The following GRB14 variants were observed in gnomAD, a reference collection of about 807,000 sequenced individuals.
GRB14 encodes the protein growth factor receptor-bound protein 14.
GRB14 carries 38 observed loss-of-function variants against 69.1 expected under a neutral mutation model. The observed-to-expected ratio is 0.55, with a 90% CI of 0.42 to 0.72. The LOEUF (loss-of-function observed/expected upper bound fraction) is 0.72, where lower values mean the gene tolerates loss of function less well. Ranked by LOEUF, GRB14 falls within the 30% of genes least tolerant of loss-of-function variation. The pLI, the probability that GRB14 is intolerant of heterozygous loss-of-function variation, is 0.00. For missense variants in GRB14, 666 were observed against 666.1 expected (o/e 1.00, Z 0.00); for synonymous variants, 247 against 241.3 (o/e 1.02, Z -0.22).
At chr2:164,565,274 A>ATACT (rs1428110675) in intron 2 of GRB14, among the ~76,000 whole-genome samples, 1 of 89,290 alleles carries the variant, frequency 1.1e-5, no homozygotes, top group African/African-American at 5.6e-5. Context: ...TTTCTATCAC[A>ATACT]CACTCACACA....
Position 164,492,653 on chromosome 2 carries a change from T to C in GRB14, c.*383A>G, listed in dbSNP as rs1686786833. The stretch of plus-strand genomic sequence containing the variant: ...ACATTAAAAAATAGTATAATTGAAA[T>C]TTAGTGCACAAATAATTATTCCTGA... On this transcript the variant is annotated 3_prime_UTR_variant, in exon 14 of 14. Transcript: ENST00000263915. 6.6e-6 allele frequency among the ~76,000 whole-genome samples: 1 copy of C among 152,084 alleles called. No homozygotes were observed. Among genetic ancestry groups the C allele is most frequent in the Admixed American group, 6.5e-5 (1 of 15,268 alleles).
chr2:164,494,447 T>C lies in GRB14; in HGVS notation c.1460A>G (p.His487Arg), dbSNP rs1686838931. The change falls in exon 13 of 14, where the codon CAC (histidine) becomes CGC (arginine). Residue 487 changes from histidine (H) to arginine (R), a missense_variant. Physicochemically the swap from His to Arg is conservative, Grantham distance 29. Transcript: ENST00000263915. ...ATTACTTACTGGTATAATTTGAAAGTGCTTTATTTTTTGTCCATGACTCAT... is the reference window on the plus strand; with the variant it reads ...ATTACTTACTGGTATAATTTGAAAGCGCTTTATTTTTTGTCCATGACTCAT... ...LSMSHGQKIK[H>R]FQIIPVEDDG... 1.9e-6 allele frequency: 3 copies of C among 1,578,412 alleles called. No individual in the cohort carries two copies. The highest frequency in any genetic ancestry group is 2.6e-6 in the Non-Finnish European group (3 of 1,147,950).
At chr2:164,501,175 G>T (rs1687041683) in intron 9 of GRB14, among the ~76,000 whole-genome samples, 1 of 151,852 alleles carries the variant, frequency 6.6e-6, no homozygotes, top group Admixed American at 6.6e-5. Flanking sequence ...TTATTTTAGG[G>T]CTTAAAAGTA....
chr2:164,509,896 C>T (rs1043427544), intron 6 of GRB14, among the ~76,000 whole-genome samples: 3 of 151,928 alleles, frequency 2.0e-5, no homozygotes, highest in South Asian at 2.1e-4. Context: ...TGTCATTTAC[C>T]GGTGTTATTC....
At chr2:164,616,926 G>A (rs1364383998) in intron 2 of GRB14, among the ~76,000 whole-genome samples, 2 of 152,156 alleles carry the variant, frequency 1.3e-5, no homozygotes, top group Non-Finnish European at 2.9e-5. Context: ...GAAGGTTACA[G>A]ATAAACTGGG....
chr2:164,565,292 A>G (rs72874834), intron 2 of GRB14, among the ~76,000 whole-genome samples: 1 of 151,528 alleles, frequency 6.6e-6, no homozygotes. Context: ...ACACACACAC[A>G]CACACACACA....
chr2:164,497,480 G>A lies in GRB14; in HGVS notation c.1115C>T (p.Ser372Leu). Residue 372 changes from serine (S) to leucine (L), a missense_variant, in exon 10 of 14, where the codon TCA becomes TTA. Coordinates refer to ENST00000263915, the MANE Select transcript of GRB14 (RefSeq NM_004490.3). Reference protein sequence around the residue: ...SQSISPMRSISENSLVAMDFS... With the variant: ...SQSISPMRSILENSLVAMDFS... ...GTCCATTGCTACCAGGGAATTCTCT[G>A]ATATACTTCTCTGGAAAAAAGAAAC... The A allele has an allele frequency of 6.3e-7, 1 of 1,585,910 alleles. No individual in the cohort carries two copies. Among genetic ancestry groups the A allele is most frequent in the Non-Finnish European group, 8.6e-7 (1 of 1,161,714 alleles).
At chr2:164,564,220 T>C (rs944992448) in intron 2 of GRB14, among the ~76,000 whole-genome samples, 1 of 152,174 alleles carries the variant, frequency 6.6e-6, no homozygotes, top group Non-Finnish European at 1.5e-5. Context: ...GAAGTGCAGA[T>C]ATACAGATTT....
intron 8 of GRB14, among the ~76,000 whole-genome samples, chr2:164,503,442 C>CAGAA (rs1687115723): frequency 1.1e-5 from 1 of 92,258 alleles, no homozygotes; most frequent in African/African-American, 6.4e-5. Context: ...GGTAATTAGG[C>CAGAA]AAAAAAAAAA....
chr2:164,586,893 C>T (rs1378021048), intron 2 of GRB14, among the ~76,000 whole-genome samples: 1 of 152,026 alleles, frequency 6.6e-6, no homozygotes, highest in African/African-American at 2.4e-5. Context: ...TGCTGAAAAC[C>T]ACAAGGCTGA....
chr2:164,582,356 T>C (rs1309883243), intron 2 of GRB14, among the ~76,000 whole-genome samples: 2 of 152,136 alleles, frequency 1.3e-5, no homozygotes, highest in Non-Finnish European at 2.9e-5. Context: ...GTTCTGCTAA[T>C]TTTACTTCCT....
intron 2 of GRB14, chr2:164,573,591 C>T: frequency 8.8e-7 from 1 of 1,138,896 alleles, no homozygotes; most frequent in Non-Finnish European, 1.2e-6. Flanking sequence ...ATGTAAGTCA[C>T]CCTTTATATA....
At chr2:164,567,760 A>C (rs890331697) in intron 2 of GRB14, among the ~76,000 whole-genome samples, 1 of 152,214 alleles carries the variant, frequency 6.6e-6, no homozygotes, top group Non-Finnish European at 1.5e-5. Flanking sequence ...AATTAACAGA[A>C]AGCCCTTTCA....
chr2:164,506,608 G>A (rs1325998137), intron 8 of GRB14, among the ~76,000 whole-genome samples: 1 of 152,130 alleles, frequency 6.6e-6, no homozygotes, highest in Non-Finnish European at 1.5e-5. Context: ...ATTACAACAT[G>A]TATTCCCCCA....
chr2:164,521,942 T>C (rs1687643674), intron 6 of GRB14, 38 bp downstream of exon 6: 1 of 1,527,528 alleles, frequency 6.5e-7, no homozygotes, highest in African/African-American at 1.4e-5. Flanking sequence ...TACAGCTTAA[T>C]ATGTCAGTCA....
chr2:164,606,509 G>C (rs1217951382), intron 2 of GRB14, among the ~76,000 whole-genome samples: 1 of 152,104 alleles, frequency 6.6e-6, no homozygotes. Flanking sequence ...CATGGAGGTT[G>C]ACCCAATACC....
At chr2:164,569,682 GA>G (rs1330755582) in intron 2 of GRB14, among the ~76,000 whole-genome samples, 1 of 151,964 alleles carries the variant, frequency 6.6e-6, no homozygotes, top group African/African-American at 2.4e-5. Flanking sequence ...TTCCTCAAAA[GA>G]AAAAAGAGAC....
intron 6 of GRB14, among the ~76,000 whole-genome samples, chr2:164,517,990 G>A (rs1364311692): frequency 6.6e-6 from 1 of 152,052 alleles, no homozygotes; most frequent in Non-Finnish European, 1.5e-5. Flanking sequence ...AGAAACAGTG[G>A]ATTTAAACCA....
At chr2:164,602,433 T>C (rs916981185) in intron 2 of GRB14, among the ~76,000 whole-genome samples, 2 of 152,200 alleles carry the variant, frequency 1.3e-5, no homozygotes, top group African/African-American at 4.8e-5. Context: ...TACATAGGGA[T>C]GGAGACAATA....
Sources: gnomAD v4.1 joint callset for allele counts (sites outside exome capture counted in the v4.1 genomes callset) on GRCh38, gnomAD v4.1.1 for gene constraint, MANE v1.5 for transcripts, NCBI Gene and HGNC (gene_info 2026-07-23, HGNC 2026-07-21) for gene names.